PPP6R2: variants seen among roughly 807,000 people sequenced by gnomAD.
The protein encoded by PPP6R2 is protein phosphatase 6 regulatory subunit 2.
A neutral mutation model predicts 100.2 loss-of-function variants in PPP6R2; 62 were observed. The observed-to-expected ratio is 0.62, with a 90% CI of 0.50 to 0.76. The LOEUF (loss-of-function observed/expected upper bound fraction) is 0.76. PPP6R2 is among the 30% of genes least tolerant of loss of function. PPP6R2 has a pLI of 0.00. For synonymous variants in PPP6R2, 525 were observed against 514.7 expected, an observed-to-expected ratio of 1.02 and a Z score of -0.27; for missense variants, 1,142 against 1,276.3, an observed-to-expected ratio of 0.89 and a Z score of 1.60.
At chr22:50,372,301 C>T (rs1053756227) in intron 2 of PPP6R2, among the ~76,000 whole-genome samples, 151 bp downstream of exon 2, 2 of 152,164 alleles carry the variant, frequency 1.3e-5, no homozygotes, top group African/African-American at 4.8e-5. Flanking sequence ...CCTGTAATCT[C>T]AGCACTTTGG....
chr22:50,378,447 G>A (rs1420740343), intron 2 of PPP6R2, among the ~76,000 whole-genome samples: 4 of 152,078 alleles, frequency 2.6e-5, no homozygotes, highest in Non-Finnish European at 4.4e-5. Flanking sequence ...TTAGCCAGAC[G>A]TGGTGGTGCA....
the PPP6R2 span, among the ~76,000 whole-genome samples, chr22:50,337,783 G>GGT: frequency 4.8e-5 from 7 of 145,664 alleles, no homozygotes; most frequent in Admixed American, 4.1e-4. Flanking sequence ...TGTGTGTGTG[G>GGT]GTGTGTGTGT....
At chr22:50,374,138 C>A (rs1433862084) in intron 2 of PPP6R2, among the ~76,000 whole-genome samples, 1 of 152,166 alleles carries the variant, frequency 6.6e-6, no homozygotes, top group Non-Finnish European at 1.5e-5. Context: ...CCTGCCTTGG[C>A]CTCCCAAAGT....
intron 10 of PPP6R2, among the ~76,000 whole-genome samples, chr22:50,429,667 G>T (rs377716551): frequency 4.8e-4 from 73 of 152,274 alleles, no homozygotes; most frequent in African/African-American, 1.6e-3. Context: ...GTTTGAGAAG[G>T]ATTAGTGTTA....
chr22:50,342,517 A>G (rs1281454692), upstream of PPP6R2, among the ~76,000 whole-genome samples: 1 of 152,202 alleles, frequency 6.6e-6, no homozygotes, highest in Non-Finnish European at 1.5e-5. Flanking sequence ...GCCAGCTGGC[A>G]AAAGAGAAAT....
chr22:50,411,326 C>T (rs1046077476), intron 4 of PPP6R2, among the ~76,000 whole-genome samples: 7 of 152,092 alleles, frequency 4.6e-5, no homozygotes, highest in East Asian at 3.9e-4. Context: ...TGGTGGCACA[C>T]GCCTGTAATC....
chr22:50,411,960 G>T (rs959675838), intron 4 of PPP6R2, among the ~76,000 whole-genome samples: 1 of 148,448 alleles, frequency 6.7e-6, no homozygotes, highest in African/African-American at 2.5e-5. Context: ...CAGGAGAATG[G>T]CATGAACCCA....
chr22:50,396,367 T>C (rs566601385), intron 3 of PPP6R2, among the ~76,000 whole-genome samples: 27 of 151,462 alleles, frequency 1.8e-4, no homozygotes, highest in African/African-American at 2.7e-4. Flanking sequence ...TGGTGGCATG[T>C]GCCTATAATC....
chr22:50,437,792 A>G, intron 16 of PPP6R2, 51 bp from the exon 17 acceptor site: 1 of 1,536,394 alleles, frequency 6.5e-7, no homozygotes, highest in Non-Finnish European at 8.8e-7. Flanking sequence ...GAGGCCCCAG[A>G]TGAGCAGTGG....
At chr22:50,416,812 G>A (rs1206156401) in intron 6 of PPP6R2, among the ~76,000 whole-genome samples, 1 of 151,648 alleles carries the variant, frequency 6.6e-6, no homozygotes, top group African/African-American at 2.4e-5. Context: ...AAAAATTAGC[G>A]AAGTGTGGTG....
chr22:50,390,682 A>G (rs1001950755), intron 2 of PPP6R2, among the ~76,000 whole-genome samples: 1 of 151,900 alleles, frequency 6.6e-6, no homozygotes, highest in African/African-American at 2.4e-5. Context: ...AGACATAACA[A>G]TCCTAAATAT....
At chr22:50,412,811 T>G (rs2059951726) in intron 4 of PPP6R2, among the ~76,000 whole-genome samples, 1 of 149,978 alleles carries the variant, frequency 6.7e-6, no homozygotes, top group South Asian at 2.1e-4. Flanking sequence ...CCGGCTAATT[T>G]TTTTTGTATT....
chr22:50,438,017 G>A lies in PPP6R2; in HGVS notation c.1839+117G>A, dbSNP rs2064765005. On this transcript the variant is annotated intron_variant, in intron 17 of 23. Transcript: ENST00000612753. Reference sequence around the variant, plus strand: ...TGGGGCTGGGAGAGGCCCCTCTGTGGAGCTCGGAACAGTCGCTTTCCTTGC... The same window carrying A: ...TGGGGCTGGGAGAGGCCCCTCTGTGAAGCTCGGAACAGTCGCTTTCCTTGC... The A allele has an allele frequency of 2.4e-5, 36 of 1,507,420 alleles. 1 individual carries two copies. The South Asian group carries it at 4.3e-4, about 18-fold the overall frequency. The allele number at this position is 1,507,420 out of a possible 1,614,324, so 93.4% of individuals were successfully genotyped here.
At chr22:50,356,776 A>G (rs1326117536) in intron 1 of PPP6R2, among the ~76,000 whole-genome samples, 1 of 151,954 alleles carries the variant, frequency 6.6e-6, no homozygotes. Context: ...CTCTACAAAA[A>G]ATAAAAAAAT....
chr22:50,350,253 G>C (rs1256249888), intron 1 of PPP6R2, among the ~76,000 whole-genome samples: 23 of 151,846 alleles, frequency 1.5e-4, no homozygotes, highest in Admixed American at 1.5e-3. Flanking sequence ...TTTTTGAGAC[G>C]AAGTTTCCCT....
Position 50,406,974 on chromosome 22 carries a change from C to T in PPP6R2, c.414+99C>T, listed in dbSNP as rs1022007451. 1.4e-4 allele frequency: 177 copies of T among 1,227,820 alleles called. 1 individual carries two copies. The Middle Eastern group carries it at 1.8e-3, about 13-fold the overall frequency. The allele number at this position is 1,227,820 out of a possible 1,614,324, so 76.1% of individuals were successfully genotyped here. A position where few individuals can be genotyped will look rare whatever the true frequency, so the allele number is the denominator to read the frequency against. The stretch of plus-strand genomic sequence containing the variant: ...GGCGGTGCGACTCATCCTCCGGCCG[C>T]GGGAACAGCATCTGTGACTCTTCTG... On this transcript the variant is annotated intron_variant, in intron 4 of 23. Coordinates refer to ENST00000612753, the MANE Select transcript of PPP6R2 (RefSeq NM_001242898.2).
At chr22:50,404,879 G>A (rs541070189) in intron 3 of PPP6R2, among the ~76,000 whole-genome samples, 25 of 152,276 alleles carry the variant, frequency 1.6e-4, no homozygotes, top group African/African-American at 6.0e-4. Flanking sequence ...AGCATTCCCA[G>A]AGGCAGGGTC....
intron 6 of PPP6R2, among the ~76,000 whole-genome samples, chr22:50,417,826 C>T (rs2060754973): frequency 6.6e-6 from 1 of 152,236 alleles, no homozygotes; most frequent in African/African-American, 2.4e-5. Flanking sequence ...GAGAGCTAAT[C>T]TGGCTGCTTT....
the PPP6R2 span, among the ~76,000 whole-genome samples, chr22:50,330,781 G>C: frequency 6.6e-6 from 1 of 151,046 alleles, no homozygotes; most frequent in African/African-American, 2.4e-5. Context: ...CTTAGAGTCA[G>C]AGAAGTCAAT....
Sources: gnomAD v4.1 joint callset for allele counts (sites outside exome capture counted in the v4.1 genomes callset) on GRCh38, gnomAD v4.1.1 for gene constraint, MANE v1.5 for transcripts, NCBI Gene and HGNC (gene_info 2026-07-23, HGNC 2026-07-21) for gene names.